Variants in DNAH8 observed in about 807,000 individuals in gnomAD.
DNAH8 encodes the protein dynein axonemal heavy chain 8.
A neutral mutation model predicts 562.1 loss-of-function variants in DNAH8; 382 were observed. That is an observed-to-expected ratio of 0.68 (90% CI 0.63 to 0.74). The LOEUF is 0.74. Ranked by LOEUF, DNAH8 falls within the 30% of genes least tolerant of loss-of-function variation. The probability of loss-of-function intolerance (pLI) is 0.00; values close to 1 mark genes in which losing one functional copy is unlikely to be tolerated. For synonymous variants in DNAH8, 1,881 were observed against 1,919.4 expected, an observed-to-expected ratio of 0.98 and a Z score of 0.52; for missense variants, 5,203 against 5,620.4, an observed-to-expected ratio of 0.93 and a Z score of 2.37.
chr6:39,020,570 G>T (rs531647529), intron 91 of DNAH8, among the ~76,000 whole-genome samples: 1 of 152,146 alleles, frequency 6.6e-6, no homozygotes. Context: ...GAACGTGCAG[G>T]TTTGTTACAT....
chr6:38,750,676 G>C (rs931368097), intron 9 of DNAH8, 87 bp downstream of exon 9: 2 of 789,774 alleles, frequency 2.5e-6, no homozygotes, highest in South Asian at 4.0e-5. Flanking sequence ...GAGGTGGAAG[G>C]ATCGCTTGAG....
Position 38,722,819 on chromosome 6 carries a change from G to A in DNAH8, c.10G>A (p.Asp4Asn), listed in dbSNP as rs773587098. Residue 4 changes from aspartate (D) to asparagine (N), a missense_variant, in exon 2 of 93, where the codon GAT (aspartate) becomes AAT (asparagine). Asp to Asn is a conservative substitution (Grantham distance 23). Transcript: ENST00000327475. ...TTCCGCACGACGGGGGATGGAGAAG[G>A]ATGCTGAAGATGGCGCCCCTTCTGA... Reference protein sequence around the residue: MEKDAEDGAPSEGA... With the variant: MEKNAEDGAPSEGA... 2 of 1,586,576 alleles carry A rather than the reference G, an allele frequency of 1.3e-6. No homozygotes were observed. Among genetic ancestry groups the A allele is most frequent in the Non-Finnish European group, 1.7e-6 (2 of 1,168,062 alleles).
chr6:39,024,297 A>G (rs1161373206), intron 91 of DNAH8, among the ~76,000 whole-genome samples: 1 of 152,230 alleles, frequency 6.6e-6, no homozygotes, highest in Admixed American at 6.5e-5. Flanking sequence ...TTCATAGATC[A>G]GTAATGAATC....
intron 26 of DNAH8, among the ~76,000 whole-genome samples, chr6:38,818,628 G>A (rs1772524267): frequency 6.6e-6 from 1 of 151,862 alleles, no homozygotes; most frequent in African/African-American, 2.4e-5. Context: ...AATGTTGAAG[G>A]GTGATTGTGC....
chr6:38,747,691 T>C (rs1000930401), intron 8 of DNAH8, among the ~76,000 whole-genome samples: 3 of 152,248 alleles, frequency 2.0e-5, no homozygotes, highest in Non-Finnish European at 4.4e-5. Context: ...AGCCACTGTT[T>C]GTCATTTTCT....
At chr6:38,960,405 AAAC>A (rs1318092885) in intron 82 of DNAH8, among the ~76,000 whole-genome samples, 1 of 116,824 alleles carries the variant, frequency 8.6e-6, no homozygotes, top group Non-Finnish European at 1.8e-5. Flanking sequence ...TAAGTAACAC[AAAC>A]AACTCAATAG....
At chr6:39,022,722 A>C (rs1437823326) in intron 91 of DNAH8, among the ~76,000 whole-genome samples, 2 of 152,194 alleles carry the variant, frequency 1.3e-5, no homozygotes, top group African/African-American at 4.8e-5. Context: ...CCAGGGGTGC[A>C]CATGTTCCCC....
At chr6:38,883,224 G>T in intron 54 of DNAH8, 98 bp from the exon 55 acceptor site, 1 of 1,382,280 alleles carries the variant, frequency 7.2e-7, no homozygotes, top group African/African-American at 1.5e-5. Context: ...TTAAAAATTA[G>T]TTGTATTAAT....
At chr6:38,931,248 A>G (rs1330474004) in intron 75 of DNAH8, 1 of 152,166 alleles carries the variant, frequency 6.6e-6, no homozygotes, top group African/African-American at 2.4e-5. Context: ...GCAAAAACCA[A>G]TTGTTTTTTC....
In DNAH8 at chr6:38,834,146, A is replaced by G. The variant is rs182898070; in HGVS notation, c.4303-433A>G. ...GAGGATGTTCTCAGAACTCTGTATC[A>G]GTTATTCTAATGCACAAACACAGCA... On this transcript the variant is annotated intron_variant, in intron 31 of 92. Coordinates refer to ENST00000327475, the MANE Select transcript of DNAH8 (RefSeq NM_001206927.2). 2.6e-4 allele frequency among the ~76,000 whole-genome samples: 39 copies of G among 152,332 alleles called. No individual in the cohort carries two copies. In the East Asian group the frequency reaches 6.7e-3, roughly 26 times the overall value.
chr6:38,888,843 G>T (rs1373483436), intron 57 of DNAH8, among the ~76,000 whole-genome samples: 1 of 152,234 alleles, frequency 6.6e-6, no homozygotes, highest in African/African-American at 2.4e-5. Flanking sequence ...TGCTGGTAAA[G>T]TAGGGCGTGT....
chr6:38,815,692 T>A, intron 26 of DNAH8, 35 bp downstream of exon 26: 1 of 1,555,236 alleles, frequency 6.4e-7, no homozygotes, highest in Non-Finnish European at 8.8e-7. Flanking sequence ...ATCTTACTGA[T>A]CCTTTTTGGA....
chr6:38,887,835 T>C (rs971845209), intron 57 of DNAH8, among the ~76,000 whole-genome samples: 2 of 93,798 alleles, frequency 2.1e-5, no homozygotes, highest in Non-Finnish European at 5.1e-5. Flanking sequence ...AGGGCAGACT[T>C]TTTTTTTTTT....
At chr6:38,754,494 C>T (rs1365148890) in intron 9 of DNAH8, among the ~76,000 whole-genome samples, 1 of 152,142 alleles carries the variant, frequency 6.6e-6, no homozygotes, top group Non-Finnish European at 1.5e-5. Context: ...TTATACCCCA[C>T]ACCTAGGACA....
chr6:38,887,215 G>A (rs1260026061), intron 57 of DNAH8, among the ~76,000 whole-genome samples: 1 of 152,138 alleles, frequency 6.6e-6, no homozygotes, highest in Non-Finnish European at 1.5e-5. Flanking sequence ...TAGGCTTGTT[G>A]AAAGTTAACA....
chr6:38,870,493 C>G lies in DNAH8; in HGVS notation c.6921C>G (p.Asn2307Lys). The G allele has an allele frequency of 1.2e-6, 2 of 1,614,042 alleles. No homozygotes were observed. The highest frequency in any genetic ancestry group is 8.5e-7 in the Non-Finnish European group (1 of 1,179,956). The change falls in exon 49 of 93, where the codon AAC becomes AAG. Residue 2307 changes from asparagine (N) to lysine (K), a missense_variant. By Grantham distance (94) the Asn-to-Lys change is moderately conservative. Coordinates refer to ENST00000327475, the MANE Select transcript of DNAH8 (RefSeq NM_001206927.2). The stretch of plus-strand genomic sequence containing the variant: ...GTAATACTTATGCAGAACTGCAAAA[C>G]GCAGTAGCCCATCAGGTTCAGATAG... ...LDSNTYAELQNAVAHQVQIEG... is the reference protein window; with the variant it reads ...LDSNTYAELQKAVAHQVQIEG...
At chr6:38,961,659 T>C (rs1272780524) in intron 82 of DNAH8, among the ~76,000 whole-genome samples, 3 of 151,998 alleles carry the variant, frequency 2.0e-5, no homozygotes, top group Admixed American at 6.5e-5. Context: ...TCAACACTTA[T>C]ATTTGACTTT....
intron 79 of DNAH8, among the ~76,000 whole-genome samples, chr6:38,940,931 C>CTAAACTACA (rs55709431): frequency 2.0e-5 from 3 of 151,570 alleles, no homozygotes; most frequent in African/African-American, 7.3e-5. Context: ...TCCTGGTCAC[C>CTAAACTACA]GGTTTAGGTG....
intron 64 of DNAH8, 122 bp from the exon 65 acceptor site, chr6:38,909,396 C>G (rs1780712576): frequency 1.2e-6 from 1 of 812,678 alleles, no homozygotes; most frequent in Admixed American, 2.3e-5. Flanking sequence ...ATGACTGCAG[C>G]CCAAGAAGAT....
Sources: allele counts gnomAD v4.1 joint callset (sites outside exome capture counted in the v4.1 genomes callset), GRCh38; gene constraint gnomAD v4.1.1; transcripts MANE v1.5; gene names NCBI Gene and HGNC (gene_info 2026-07-23, HGNC 2026-07-21).